FSTL1: variants seen among roughly 807,000 people sequenced by gnomAD.
FSTL1 encodes follistatin like 1.
Under a neutral mutation model 45.9 loss-of-function variants are expected in FSTL1, and 24 were observed. That is an observed-to-expected ratio of 0.52 (90% CI 0.38 to 0.74). The LOEUF is 0.74. FSTL1 is among the 30% of genes least tolerant of loss of function. The pLI is 0.00. For missense variants in FSTL1, 340 were observed against 381.8 expected (o/e 0.89, Z 0.91); for synonymous variants, 120 against 137.6 (o/e 0.87, Z 0.89).
At chr3:120,405,940 C>T (rs1308622049) in intron 6 of FSTL1, among the ~76,000 whole-genome samples, 1 of 152,160 alleles carries the variant, frequency 6.6e-6, no homozygotes, top group Non-Finnish European at 1.5e-5. Flanking sequence ...TGCTGCTGCC[C>T]TGGGAAAGGA....
chr3:120,412,817 TGTGCGCGCGCGCG>T (rs1416907883), intron 3 of FSTL1, among the ~76,000 whole-genome samples: 1 of 87,622 alleles, frequency 1.1e-5, no homozygotes, highest in Non-Finnish European at 2.7e-5. Flanking sequence ...CACACACACA[TGTGCGCGCGCGCG>T]CGCGCGCGCA....
intron 2 of FSTL1, 75 bp downstream of exon 2, chr3:120,450,609 G>T: frequency 1.0e-6 from 1 of 982,784 alleles, no homozygotes; most frequent in Non-Finnish European, 1.4e-6. Context: ...TCCCCAGGAC[G>T]CGCGCCCACC....
intron 2 of FSTL1, among the ~76,000 whole-genome samples, chr3:120,426,944 C>T (rs1428408519): frequency 1.3e-5 from 2 of 152,128 alleles, no homozygotes. Context: ...CAGGTAGCCA[C>T]AGCAGATTTA....
chr3:120,421,766 A>G (rs1937283294), intron 2 of FSTL1, among the ~76,000 whole-genome samples: 1 of 152,204 alleles, frequency 6.6e-6, no homozygotes, highest in Admixed American at 6.5e-5. Context: ...AGTCCCTGCT[A>G]TAAGTTTCCC....
rs775424422 is a variant in FSTL1, at chr3:120,415,992, A to G, written c.99T>C (p.Asn33=). 1.9e-6 allele frequency: 3 copies of G among 1,613,798 alleles called. No homozygotes were observed. Among genetic ancestry groups the G allele is most frequent in the Non-Finnish European group, 1.7e-6 (2 of 1,179,698 alleles). The change falls in exon 3 of 11, where the codon AAT becomes AAC. Residue 33 remains asparagine (N), a synonymous_variant. Coordinates refer to ENST00000295633, the MANE Select transcript of FSTL1 (RefSeq NM_007085.5). ...ATTCCCGGCCGGCTCCACAAAACAC[A>G]TTGGCACAGATCTTGGATTTGCTCC... ...ELRSKSKICA[N]VFCGAGRECA...
chr3:120,396,863 T>C lies in FSTL1; in HGVS notation c.*89A>G. ...GCTATATAAGCAAATACTGGTGATTTGGCGACTGTAGCAGACACTTGTGTA... is the reference window on the plus strand; with the variant it reads ...GCTATATAAGCAAATACTGGTGATTCGGCGACTGTAGCAGACACTTGTGTA... On this transcript the variant is annotated 3_prime_UTR_variant, in exon 11 of 11. Transcript: ENST00000295633. 1.1e-6 allele frequency: 1 copy of C among 878,888 alleles called. No homozygotes were observed. Among genetic ancestry groups the C allele is most frequent in the Non-Finnish European group, 1.9e-6 (1 of 521,986 alleles). The allele number at this position is 878,888 out of a possible 1,614,324, so 54.4% of individuals were successfully genotyped here.
At chr3:120,429,218 A>ATCC (rs1378493438) in intron 2 of FSTL1, among the ~76,000 whole-genome samples, 1 of 152,202 alleles carries the variant, frequency 6.6e-6, no homozygotes, top group Non-Finnish European at 1.5e-5. Flanking sequence ...TTCAGAGGGC[A>ATCC]TCCAAAGGAA....
chr3:120,419,249 G>C (rs2107659762), intron 2 of FSTL1: 1 of 152,380 alleles, frequency 6.6e-6, no homozygotes. Flanking sequence ...CTACCAATGT[G>C]GGGGAGGTCT....
At chr3:120,409,848 A>G in intron 5 of FSTL1, 186 bp from the exon 6 acceptor site, 1 of 423,674 alleles carries the variant, frequency 2.4e-6, no homozygotes, top group Non-Finnish European at 4.2e-6. Context: ...TCAAGCACCC[A>G]TCTCTAAAAT....
chr3:120,416,145 T>C, intron 2 of FSTL1, 118 bp from the exon 3 acceptor site: 1 of 774,866 alleles, frequency 1.3e-6, no homozygotes, highest in South Asian at 1.5e-5. Flanking sequence ...GCTCATGGTC[T>C]TAAACAGCTA....
chr3:120,410,423 G>A (rs1041577832), intron 5 of FSTL1: 9 of 216,816 alleles, frequency 4.2e-5, no homozygotes, highest in African/African-American at 2.1e-4. Context: ...TAGCCTCTTT[G>A]AGCCTCAATT....
chr3:120,431,011 G>A (rs962618866), intron 2 of FSTL1, among the ~76,000 whole-genome samples: 1 of 152,132 alleles, frequency 6.6e-6, no homozygotes, highest in Non-Finnish European at 1.5e-5. Flanking sequence ...TCAATCTATT[G>A]CCCATGCTGG....
chr3:120,417,923 C>T (rs945621061), intron 2 of FSTL1, among the ~76,000 whole-genome samples: 1 of 152,148 alleles, frequency 6.6e-6, no homozygotes, highest in Non-Finnish European at 1.5e-5. Context: ...CCCTGCCCTG[C>T]GGAGATTCAG....
intron 2 of FSTL1, among the ~76,000 whole-genome samples, chr3:120,436,131 T>C (rs1009390801): frequency 6.8e-6 from 1 of 147,010 alleles, no homozygotes; most frequent in Non-Finnish European, 1.5e-5. Context: ...TTTCTTATTA[T>C]CTAGCTTATA....
chr3:120,433,039 A>C (rs187084424), intron 2 of FSTL1, among the ~76,000 whole-genome samples: 2 of 152,356 alleles, frequency 1.3e-5, no homozygotes, highest in East Asian at 3.9e-4. Context: ...CAAAAAAGTA[A>C]AGGCTTCAGC....
rs759443163 is a variant in FSTL1, at chr3:120,402,949, T to C, written c.695-31A>G. 3.6e-6 allele frequency: 5 copies of C among 1,387,026 alleles called. No individual in the cohort carries two copies. In the Admixed American group the frequency reaches 6.7e-5, roughly 19 times the overall value. 85.9% of individuals were successfully genotyped at this position (1,387,026 alleles called of 1,614,324 possible). A position where few individuals can be genotyped will look rare whatever the true frequency, so the allele number is the denominator to read the frequency against. Reference sequence around the variant, plus strand: ...GGGCCAGAAATACGGGGCAACAGTTTAGCTGTGAGGGTGGAACAGGGCATC... The same window carrying C: ...GGGCCAGAAATACGGGGCAACAGTTCAGCTGTGAGGGTGGAACAGGGCATC... On this transcript the variant is annotated intron_variant, in intron 8 of 10. Transcript: ENST00000295633.
At chr3:120,418,890 G>C (rs1450405363) in intron 2 of FSTL1, among the ~76,000 whole-genome samples, 2 of 152,198 alleles carry the variant, frequency 1.3e-5, no homozygotes, top group Non-Finnish European at 2.9e-5. Flanking sequence ...CTTTCCCACT[G>C]AGATGCTGTC....
Position 120,445,707 on chromosome 3 carries a change from G to T in FSTL1, c.63+4977C>A, listed in dbSNP as rs184640417. On this transcript the variant is annotated intron_variant, in intron 2 of 10. Transcript: ENST00000295633. ...AAAAAAAAACAGCAATAAGTATAAA[G>T]CTACTAGTTACTATGTAGTTATAAT... Among the ~76,000 whole-genome samples, 6 of 149,704 alleles carry T rather than the reference G, an allele frequency of 4.0e-5. 1 individual carries two copies. The highest frequency in any genetic ancestry group is 1.5e-4 in the African/African-American group (6 of 39,132).
chr3:120,394,651 GC>G lies in FSTL1; in HGVS notation c.*2300del, dbSNP rs1936660727. 1 of 152,222 alleles carries G rather than the reference GC, an allele frequency of 6.6e-6. No individual in the cohort carries two copies. The highest frequency in any genetic ancestry group is 1.5e-5 in the Non-Finnish European group (1 of 68,038). 9.4% of individuals were successfully genotyped at this position (152,222 alleles called of 1,614,324 possible). A position where few individuals can be genotyped will look rare whatever the true frequency, so the allele number is the denominator to read the frequency against. On this transcript the variant is annotated 3_prime_UTR_variant, in exon 11 of 11. Transcript: ENST00000295633. ...AGGAAGCCTGCAGGCTAAGCCCTAT[GC>G]TTTTAGAGGGCTGAAGGAACCAAAC...
Sources: allele counts gnomAD v4.1 joint callset (sites outside exome capture counted in the v4.1 genomes callset), GRCh38; gene constraint gnomAD v4.1.1; transcripts MANE v1.5; gene names NCBI Gene and HGNC (gene_info 2026-07-23, HGNC 2026-07-21).